The following NAPG variants were observed in gnomAD, a reference collection of about 807,000 sequenced individuals.
NAPG encodes the protein NSF attachment protein gamma.
A neutral mutation model predicts 48.4 loss-of-function variants in NAPG; 25 were observed. The observed-to-expected ratio is 0.52, with a 90% CI of 0.38 to 0.72. The LOEUF (loss-of-function observed/expected upper bound fraction) is 0.72, where lower values mean the gene tolerates loss of function less well. Among genes scored for constraint, NAPG ranks in the 30% least tolerant of loss-of-function variants. The pLI is 0.00. For synonymous variants in NAPG, 139 were observed against 127.2 expected (o/e 1.09, Z -0.62); for missense variants, 359 against 372.5 (o/e 0.96, Z 0.30).
chr18:10,527,040 T>C (rs1473818038), intron 1 of NAPG, among the ~76,000 whole-genome samples: 1 of 151,480 alleles, frequency 6.6e-6, no homozygotes, highest in African/African-American at 2.4e-5. Flanking sequence ...TACAAAAAAT[T>C]AGCCGGGCGT....
intron 1 of NAPG, among the ~76,000 whole-genome samples, chr18:10,530,028 A>T (rs1475547413): frequency 2.0e-5 from 3 of 152,140 alleles, no homozygotes; most frequent in African/African-American, 4.8e-5. Context: ...AAGAAAATAA[A>T]TATTGAGGAA....
intron 1 of NAPG, 86 bp from the exon 2 acceptor site, chr18:10,530,684 T>TTA: frequency 3.2e-6 from 2 of 631,984 alleles, no homozygotes; most frequent in Non-Finnish European, 4.6e-6. Context: ...TTTTTTTTTT[T>TTA]AAAGACCTAG....
rs562953145 is a variant in NAPG at position 10,546,197 on chromosome 18, G to A, written c.507-129G>A. ...CAGAGCATGTGGAAACCTGGGTCCT[G>A]GGGCAGCTGCTAATAATACCTGTCC... is the stretch of plus-strand genomic sequence containing the variant. On this transcript the variant is annotated intron_variant, in intron 8 of 11. Coordinates refer to ENST00000322897, the MANE Select transcript of NAPG (RefSeq NM_003826.3). The surrounding 1 kb of genome is among the most constrained non-coding windows in gnomAD (Gnocchi z 4.0). 328 of 492,370 alleles carry A rather than the reference G, an allele frequency of 6.7e-4. 3 individuals carry two copies. The highest frequency in any genetic ancestry group is 4.1e-3 in the South Asian group (145 of 35,638). 30.5% of individuals were successfully genotyped at this position (492,370 alleles called of 1,614,324 possible).
chr18:10,548,526 G>A lies in NAPG; in HGVS notation c.665+148G>A, dbSNP rs538883815. ...CATCTACCATTTCATCTTTTACAGT[G>A]GGTGTTTTACACCTTTTTTTTTTTT... On this transcript the variant is annotated intron_variant, in intron 10 of 11. Transcript: ENST00000322897. This position sits in a 1 kb window ranked among gnomAD's most constrained non-coding sequence, Gnocchi z 4.4. The A allele has an allele frequency of 7.7e-4, 463 of 605,106 alleles. No individual in the cohort carries two copies. Among genetic ancestry groups the A allele is most frequent in the Non-Finnish European group, 1.0e-3 (378 of 364,394 alleles). The allele number at this position is 605,106 out of a possible 1,614,324, so 37.5% of individuals were successfully genotyped here. A position where few individuals can be genotyped will look rare whatever the true frequency, so the allele number is the denominator to read the frequency against.
rs201902469 is a variant in NAPG, at chr18:10,546,577, GCTGATTACA to G, written c.585+174_585+182del. ...TAAGCCCACTACAGCTTGTTTCTCT[GCTGATTACA>G]GCTAAACTACTGGATAAAATACAAA... On this transcript the variant is annotated intron_variant, in intron 9 of 11. Coordinates refer to ENST00000322897, the MANE Select transcript of NAPG (RefSeq NM_003826.3). This position sits in a 1 kb window ranked among gnomAD's most constrained non-coding sequence, Gnocchi z 4.0. 0.013 allele frequency among the ~76,000 whole-genome samples: 1,971 copies of G among 152,202 alleles called. 37 individuals carry two copies. Among genetic ancestry groups the G allele is most frequent in the African/African-American group, 0.045 (1,877 of 41,520 alleles).
intron 4 of NAPG, 52 bp downstream of exon 4, chr18:10,533,605 CT>C (rs2031974519): frequency 6.1e-6 from 9 of 1,470,044 alleles, no homozygotes; most frequent in Middle Eastern, 1.8e-4. Flanking sequence ...TTAAATGTTG[CT>C]GTTTTTCTGT....
At chr18:10,532,579 T>TA in intron 2 of NAPG, 132 bp from the exon 3 acceptor site, 1 of 560,276 alleles carries the variant, frequency 1.8e-6, no homozygotes, top group Non-Finnish European at 2.9e-6. Context: ...AGTAATATTT[T>TA]ATAGTTTTAG....
Position 10,543,731 on chromosome 18 carries a change from A to G in NAPG, c.507-2595A>G, listed in dbSNP as rs376907612. ...AAAAACAATTTATTCTTTTTTCAGCAAAACCAAATTCTTGTCATTTTGTTA... is the reference window on the plus strand; with the variant it reads ...AAAAACAATTTATTCTTTTTTCAGCGAAACCAAATTCTTGTCATTTTGTTA... On this transcript the variant is annotated intron_variant, in intron 8 of 11. Transcript: ENST00000322897. This position sits in a 1 kb window ranked among gnomAD's most constrained non-coding sequence, Gnocchi z 4.4. Among the ~76,000 whole-genome samples, 45 of 152,352 alleles carry G rather than the reference A, an allele frequency of 3.0e-4. No individual in the cohort carries two copies. Among genetic ancestry groups the G allele is most frequent in the African/African-American group, 9.6e-4 (40 of 41,586 alleles).
At chr18:10,530,666 C>G in intron 1 of NAPG, 104 bp from the exon 2 acceptor site, 1 of 629,336 alleles carries the variant, frequency 1.6e-6, no homozygotes, top group Non-Finnish European at 2.4e-6. Context: ...GATGGTTTCT[C>G]CTTTTTTTTT....
rs776975660 is a variant in NAPG, at chr18:10,526,157, TAGTG to T, written c.56+6_56+9del. 9.9e-6 allele frequency: 16 copies of T among 1,612,416 alleles called. No homozygotes were observed. Among genetic ancestry groups the T allele is most frequent in the South Asian group, 4.4e-5 (4 of 91,044 alleles). ...GGAACACCTCGCCAAAGCAGAGAAA[TAGTG>T]AGTGAGAACCTTCCGGGGGCCTGTG... is the stretch of plus-strand genomic sequence containing the variant. On this transcript the variant is annotated splice_donor_variant and splice_donor_region_variant and coding_sequence_variant and intron_variant, in exon 1 of 12. Transcript: ENST00000322897. LOFTEE classifies it high-confidence loss of function.
chr18:10,532,968 G>A (rs1450267246), intron 3 of NAPG, 173 bp downstream of exon 3: 10 of 592,296 alleles, frequency 1.7e-5, no homozygotes, highest in Non-Finnish European at 3.0e-5. Context: ...AATGAAGTTT[G>A]ATTATAAGGT....
intron 2 of NAPG, among the ~76,000 whole-genome samples, chr18:10,531,796 C>T (rs1356179614): frequency 1.3e-5 from 2 of 152,068 alleles, no homozygotes; most frequent in African/African-American, 4.8e-5. Context: ...GTTTTCTGCC[C>T]CTCTGAGATC....
intron 5 of NAPG, among the ~76,000 whole-genome samples, chr18:10,535,491 T>G (rs886762601): frequency 6.6e-6 from 1 of 152,262 alleles, no homozygotes; most frequent in Non-Finnish European, 1.5e-5. Flanking sequence ...TTGGATGTAG[T>G]GGCTCATGCC....
chr18:10,539,826 A>T lies in NAPG; in HGVS notation c.323A>T (p.Asn108Ile). ...IEKASMMYLENGTPDTAAMAL... is the reference protein window; with the variant it reads ...IEKASMMYLEIGTPDTAAMAL... ...AAGGCCAGCATGATGTATCTAGAAA[A>T]CGGCACCCCAGACACAGCAGCCATG... The change falls in exon 6 of 12, where the codon AAC becomes ATC. Residue 108 changes from asparagine to isoleucine, a missense_variant. By Grantham distance (149) the Asn-to-Ile change is moderately radical. Coordinates refer to ENST00000322897, the MANE Select transcript of NAPG (RefSeq NM_003826.3). The surrounding 1 kb of genome is among the most constrained non-coding windows in gnomAD (Gnocchi z 4.7). 1 of 1,613,976 alleles carries T rather than the reference A, an allele frequency of 6.2e-7. No homozygotes were observed. Among genetic ancestry groups the T allele is most frequent in the Non-Finnish European group, 8.5e-7 (1 of 1,179,888 alleles).
At chr18:10,527,976 A>G (rs545005469) in intron 1 of NAPG, among the ~76,000 whole-genome samples, 2 of 152,202 alleles carry the variant, frequency 1.3e-5, no homozygotes, top group South Asian at 2.1e-4. Flanking sequence ...ACTTGAGGTC[A>G]GGAGTTCGAG....
rs2031919034 is a variant in NAPG, at chr18:10,531,091, G to A, written c.124+254G>A. ...CGGGGTTGGTGATACACAGTAGTGGGTTTTTAGCGTTGCTTATATATTCTT... is the reference window on the plus strand; with the variant it reads ...CGGGGTTGGTGATACACAGTAGTGGATTTTTAGCGTTGCTTATATATTCTT... On this transcript the variant is annotated intron_variant, in intron 2 of 11. Transcript: ENST00000322897. 2.0e-5 allele frequency among the ~76,000 whole-genome samples: 3 copies of A among 152,240 alleles called. 1 individual carries two copies. Among genetic ancestry groups the A allele is most frequent in the Middle Eastern group, 6.8e-3 (2 of 294 alleles).
At chr18:10,545,781 G>C (rs1484708324) in intron 8 of NAPG, among the ~76,000 whole-genome samples, 2 of 152,244 alleles carry the variant, frequency 1.3e-5, no homozygotes, top group East Asian at 3.8e-4. Context: ...CAATGGAAAA[G>C]ATGAATGTTG....
chr18:10,526,229 C>T, intron 1 of NAPG, 71 bp downstream of exon 1: 1 of 607,228 alleles, frequency 1.6e-6, no homozygotes, highest in South Asian at 1.4e-5. Flanking sequence ...GCCTTAGCAC[C>T]CGGGGGGGGC....
chr18:10,548,198 A>G lies in NAPG; in HGVS notation c.586-101A>G. On this transcript the variant is annotated intron_variant, in intron 9 of 11. Transcript: ENST00000322897. The surrounding 1 kb of genome is among the most constrained non-coding windows in gnomAD (Gnocchi z 4.4). ...TTTATAAATCTCTGTTTATACAAAC[A>G]AAGACTCTGAAAGTTAAACTCCAGG... is the stretch of plus-strand genomic sequence containing the variant. 1 of 813,182 alleles carries G rather than the reference A, an allele frequency of 1.2e-6. No homozygotes were observed. 50.4% of individuals were successfully genotyped at this position (813,182 alleles called of 1,614,324 possible). A position where few individuals can be genotyped will look rare whatever the true frequency, so the allele number is the denominator to read the frequency against.
Sources: allele counts gnomAD v4.1 joint callset (sites outside exome capture counted in the v4.1 genomes callset), GRCh38; gene constraint gnomAD v4.1.1; non-coding constraint Gnocchi (gnomAD v3.1); transcripts MANE v1.5; gene names NCBI Gene and HGNC (gene_info 2026-07-23, HGNC 2026-07-21).